Variants in RGL3 observed in about 807,000 individuals in gnomAD.
The protein encoded by RGL3 is ral guanine nucleotide dissociation stimulator like 3.
Under a neutral mutation model 90.6 loss-of-function variants are expected in RGL3, and 85 were observed. The ratio of observed to expected loss-of-function variants is 0.94; its 90% CI spans 0.79 to 1.12. The LOEUF (loss-of-function observed/expected upper bound fraction) is 1.12, where lower values mean the gene tolerates loss of function less well. Among genes scored for constraint, RGL3 ranks in the 50% most tolerant of loss-of-function variants. The probability of loss-of-function intolerance (pLI) is 0.00; values close to 1 mark genes in which losing one functional copy is unlikely to be tolerated. For synonymous variants in RGL3, 408 were observed against 385.5 expected (o/e 1.06, Z -0.68); for missense variants, 1,034 against 939.2 (o/e 1.10, Z -1.32).
rs370581202 is a variant in RGL3 at position 11,418,747 on chromosome 19, C to T, written c.71G>A (p.Gly24Asp). 62 of 1,574,786 alleles carry T rather than the reference C, an allele frequency of 3.9e-5. No homozygotes were observed. The African/African-American group carries it at 7.8e-4, about 20-fold the overall frequency. The change falls in exon 2 of 19, where the codon GGC becomes GAC. Residue 24 changes from glycine (G) to aspartate (D), a missense_variant. Physicochemically the swap from Gly to Asp is moderately conservative, Grantham distance 94. Coordinates refer to ENST00000380456, the MANE Select transcript of RGL3 (RefSeq NM_001035223.4). ...CCGCAGGGAGACACTGTACACCGCG[C>T]CGTCCTCGGTCTCTTCACCCCAGTC... ...LQDWGEETED[G>D]AVYSVSLRRQ...
At chr19:11,411,403 C>G (rs1436155827) in intron 5 of RGL3, 1 of 152,024 alleles carries the variant, frequency 6.6e-6, no homozygotes, top group Non-Finnish European at 1.5e-5. Flanking sequence ...TCCTAAGTAG[C>G]TGGGACTATA....
intron 5 of RGL3, among the ~76,000 whole-genome samples, chr19:11,414,461 C>G (rs1281160601): frequency 2.9e-5 from 1 of 34,614 alleles, no homozygotes; most frequent in South Asian, 8.7e-4. Context: ...ATATATATAC[C>G]TTCATATATA....
intron 18 of RGL3, 74 bp downstream of exon 18, chr19:11,397,169 TC>T: frequency 7.9e-7 from 1 of 1,272,804 alleles, no homozygotes; most frequent in South Asian, 1.3e-5. Context: ...AACCTTGGGC[TC>T]CATCCTTGGG....
intron 16 of RGL3, chr19:11,397,824 C>G (rs967134412): frequency 1.2e-5 from 4 of 344,938 alleles, no homozygotes; most frequent in Non-Finnish European, 1.6e-5. Flanking sequence ...GCCTGGCCAA[C>G]GTGGTGAAAC....
intron 17 of RGL3, 40 bp downstream of exon 17, chr19:11,397,405 G>A (rs747071661): frequency 6.3e-7 from 1 of 1,588,706 alleles, no homozygotes; most frequent in South Asian, 1.1e-5. Context: ...GGCCCCAAGG[G>A]CAGGGCAGCC....
rs1204115441 is a variant in RGL3, at chr19:11,402,774, C to A, written c.1186-68G>T. 10 of 1,354,058 alleles carry A rather than the reference C, an allele frequency of 7.4e-6. No individual in the cohort carries two copies. In the East Asian group the frequency reaches 2.1e-4, roughly 28 times the overall value. 83.9% of individuals were successfully genotyped at this position (1,354,058 alleles called of 1,614,324 possible). A position where few individuals can be genotyped will look rare whatever the true frequency, so the allele number is the denominator to read the frequency against. On this transcript the variant is annotated intron_variant, in intron 9 of 18. Transcript: ENST00000380456. ...GACAATTCCTCAGGAACGATGCCTGCAGACCCATCATATATACCCTTCATG... is the reference window on the plus strand; with the variant it reads ...GACAATTCCTCAGGAACGATGCCTGAAGACCCATCATATATACCCTTCATG...
chr19:11,416,089 T>TCGGG lies in RGL3; in HGVS notation c.484_485insCCCG (p.His162ProfsTer24), dbSNP rs1968990949. ...ACTGCCCAGGTCCGAATGGGCAGGG[T>TCGGG]GGTCTCGGAAATCCTGAGGGTGGTC... On this transcript the variant is annotated frameshift_variant, in exon 5 of 19. Transcript: ENST00000380456. LOFTEE classifies it high-confidence loss of function. 7 of 1,608,468 alleles carry TCGGG rather than the reference T, an allele frequency of 4.4e-6. No individual in the cohort carries two copies. Among genetic ancestry groups the TCGGG allele is most frequent in the Non-Finnish European group, 5.9e-6 (7 of 1,178,002 alleles).
At chr19:11,398,488 G>A (rs986534084) in intron 16 of RGL3, among the ~76,000 whole-genome samples, 2 of 152,062 alleles carry the variant, frequency 1.3e-5, no homozygotes, top group Middle Eastern at 6.8e-3. Flanking sequence ...TGGGATTACA[G>A]GCCTGTGCCA....
Position 11,394,131 on chromosome 19 carries a change from C to A in RGL3, c.*271G>T. ...TGCGTCTCTAACATTTATAAGATTT[C>A]TCTGGGGAGGGATTTGACGTATCCA... On this transcript the variant is annotated 3_prime_UTR_variant, in exon 19 of 19. Transcript: ENST00000380456. The A allele has an allele frequency of 2.7e-6, 1 of 373,692 alleles. No homozygotes were observed. Among genetic ancestry groups the A allele is most frequent in the South Asian group, 3.7e-5 (1 of 26,980 alleles). The allele number at this position is 373,692 out of a possible 1,614,324, so 23.1% of individuals were successfully genotyped here. A position where few individuals can be genotyped will look rare whatever the true frequency, so the allele number is the denominator to read the frequency against.
chr19:11,405,667 C>G (rs1968765441), intron 7 of RGL3, among the ~76,000 whole-genome samples: 1 of 149,204 alleles, frequency 6.7e-6, no homozygotes, highest in Non-Finnish European at 1.5e-5. Context: ...GGACTACAGG[C>G]GCGCGCCATC....
At chr19:11,403,454 C>T (rs933838229) in intron 9 of RGL3, among the ~76,000 whole-genome samples, 3 of 150,024 alleles carry the variant, frequency 2.0e-5, no homozygotes, top group Admixed American at 2.0e-4. Flanking sequence ...GCCTGGCTAA[C>T]AGAGTGAAAC....
chr19:11,418,952 G>T, intron 1 of RGL3, 168 bp from the exon 2 acceptor site: 1 of 632,746 alleles, frequency 1.6e-6, no homozygotes, highest in South Asian at 2.0e-5. Context: ...CCTCCTCGCT[G>T]CGGGTCCCCT....
At chr19:11,405,025 T>C in intron 9 of RGL3, 122 bp downstream of exon 9, 1 of 831,134 alleles carries the variant, frequency 1.2e-6, no homozygotes, top group African/African-American at 1.7e-5. Context: ...ATAAGGTCAT[T>C]GCTGAGCGGT....
intron 5 of RGL3, among the ~76,000 whole-genome samples, chr19:11,411,037 C>T (rs1185397471): frequency 6.6e-6 from 1 of 151,606 alleles, no homozygotes; most frequent in Admixed American, 6.6e-5. Flanking sequence ...GGTGAAACCC[C>T]CTCACTACTA....
intron 6 of RGL3, 38 bp downstream of exon 6, chr19:11,406,684 T>A: frequency 1.2e-6 from 2 of 1,609,600 alleles, no homozygotes. Context: ...ACCTGTCCCC[T>A]CACTGTGGCT....
In RGL3 at chr19:11,406,834, G is replaced by A. The variant is rs1281597912; in HGVS notation, c.668C>T (p.Pro223Leu). 1 of 1,594,002 alleles carries A rather than the reference G, an allele frequency of 6.3e-7. No homozygotes were observed. The highest frequency in any genetic ancestry group is 8.6e-7 in the Non-Finnish European group (1 of 1,162,664). Residue 223 changes from proline to leucine, a missense_variant, in exon 6 of 19, where the codon CCA becomes CTA. Coordinates refer to ENST00000380456, the MANE Select transcript of RGL3 (RefSeq NM_001035223.4). ...GPPRVAQTSD[P>L]DSSEACAEEE... ...CTCCGCGCAGGCCTCTGAAGAGTCTGGGTCAGAAGTTTGGGCAACTCTGGG... is the reference window on the plus strand; with the variant it reads ...CTCCGCGCAGGCCTCTGAAGAGTCTAGGTCAGAAGTTTGGGCAACTCTGGG...
At chr19:11,414,498 T>TATATATATATATATAC (rs1968952298) in intron 5 of RGL3, among the ~76,000 whole-genome samples, 1 of 72,338 alleles carries the variant, frequency 1.4e-5, no homozygotes, top group African/African-American at 5.3e-5. Context: ...TTCATATATA[T>TATATATATATATATAC]ATATATATAT....
At chr19:11,404,932 T>G (rs1334525308) in intron 9 of RGL3, among the ~76,000 whole-genome samples, 2 of 151,976 alleles carry the variant, frequency 1.3e-5, no homozygotes, top group African/African-American at 4.8e-5. Flanking sequence ...TTTTGCTGAG[T>G]GAATAAATAG....
Position 11,416,838 on chromosome 19 carries a change from G to A in RGL3, c.369C>T (p.Pro123=), listed in dbSNP as rs199758307. The change falls in exon 3 of 19, where the codon CCC becomes CCT. Residue 123 remains proline, a splice_region_variant and synonymous_variant. Coordinates refer to ENST00000380456, the MANE Select transcript of RGL3 (RefSeq NM_001035223.4). ...GGAGGTTATGGTTCGCTACTGACCC[G>A]GGAGGTGGGGGCGGTGGCATTGGTG... ...LLPPMPPPPP[P]GVEIKKTAVQ... 1.6e-5 allele frequency: 26 copies of A among 1,613,466 alleles called. No homozygotes were observed. Among genetic ancestry groups the A allele is most frequent in the Admixed American group, 6.7e-5 (4 of 59,982 alleles).
Sources: allele counts gnomAD v4.1 joint callset (sites outside exome capture counted in the v4.1 genomes callset), GRCh38; gene constraint gnomAD v4.1.1; transcripts MANE v1.5; gene names NCBI Gene and HGNC (gene_info 2026-07-23, HGNC 2026-07-21).